The following SLCO6A1 variants were observed in gnomAD, a reference collection of about 807,000 sequenced individuals.
SLCO6A1 encodes solute carrier organic anion transporter family member 6A1, also known as cancer/testis antigen 48.
In SLCO6A1, 65 loss-of-function variants were observed where a neutral mutation model predicts 72.7. The observed-to-expected ratio is 0.89, with a 90% CI of 0.73 to 1.10. The LOEUF is 1.10. Among genes scored for constraint, SLCO6A1 ranks in the 50% least tolerant of loss-of-function variants. The pLI is 0.00. For missense variants in SLCO6A1, 874 were observed against 872.6 expected, an observed-to-expected ratio of 1.00 and a Z score of -0.02; for synonymous variants, 314 against 298.2, an observed-to-expected ratio of 1.05 and a Z score of -0.55.
chr5:102,439,048 AT>A (rs1749700261), intron 6 of SLCO6A1, among the ~76,000 whole-genome samples: 1 of 151,914 alleles, frequency 6.6e-6, no homozygotes, highest in Admixed American at 6.6e-5. Flanking sequence ...TGGGCTTGGA[AT>A]TTTTTTGTAA....
intron 9 of SLCO6A1, among the ~76,000 whole-genome samples, chr5:102,404,152 G>T (rs966530463): frequency 2.0e-5 from 3 of 152,098 alleles, no homozygotes; most frequent in Non-Finnish European, 4.4e-5. Flanking sequence ...CTGCATCTAA[G>T]AACATCAGCA....
chr5:102,468,479 A>C (rs766066071), intron 4 of SLCO6A1, among the ~76,000 whole-genome samples: 2 of 151,950 alleles, frequency 1.3e-5, no homozygotes, highest in African/African-American at 2.4e-5. Flanking sequence ...TTTCTTACAT[A>C]GAGTAGTAAT....
intron 6 of SLCO6A1, among the ~76,000 whole-genome samples, chr5:102,452,071 T>C (rs943442586): frequency 6.6e-6 from 1 of 152,228 alleles, no homozygotes; most frequent in African/African-American, 2.4e-5. Context: ...ATAGCAATAA[T>C]AGCTCACATT....
Position 102,382,209 on chromosome 5 carries a change from A to G in SLCO6A1, c.2017+6479T>C, listed in dbSNP as rs576104577. Among the ~76,000 whole-genome samples, 3 of 151,830 alleles carry G rather than the reference A, an allele frequency of 2.0e-5. No homozygotes were observed. In the East Asian group the frequency reaches 5.8e-4, roughly 29 times the overall value. On this transcript the variant is annotated intron_variant, in intron 12 of 13. Coordinates refer to ENST00000506729, the MANE Select transcript of SLCO6A1 (RefSeq NM_173488.5). ...TGAGTTCAATTTCATTATTCTGCATATGGCTATCCTGTTTTCTCTGTGCCA... is the reference window on the plus strand; with the variant it reads ...TGAGTTCAATTTCATTATTCTGCATGTGGCTATCCTGTTTTCTCTGTGCCA...
chr5:102,405,845 T>G (rs1747640896), intron 9 of SLCO6A1, among the ~76,000 whole-genome samples: 1 of 152,076 alleles, frequency 6.6e-6, no homozygotes, highest in Admixed American at 6.5e-5. Context: ...CAAATTTGAA[T>G]ATATGTATAG....
chr5:102,405,415 C>T (rs1747619285), intron 9 of SLCO6A1, among the ~76,000 whole-genome samples: 1 of 151,436 alleles, frequency 6.6e-6, no homozygotes, highest in Non-Finnish European at 1.5e-5. Flanking sequence ...AAAAGAAATA[C>T]TGAAAATAGC....
At chr5:102,448,771 C>A (rs1367665768) in intron 6 of SLCO6A1, among the ~76,000 whole-genome samples, 2 of 152,056 alleles carry the variant, frequency 1.3e-5, no homozygotes, top group African/African-American at 2.4e-5. Flanking sequence ...TCCTTGCATG[C>A]GAGATGGGTC....
intron 6 of SLCO6A1, among the ~76,000 whole-genome samples, chr5:102,446,683 T>C (rs993227359): frequency 1.3e-5 from 2 of 152,170 alleles, no homozygotes; most frequent in African/African-American, 4.8e-5. Flanking sequence ...CAGTATGATG[T>C]TGGTTATGGG....
chr5:102,453,434 A>T (rs2112733920), intron 6 of SLCO6A1, among the ~76,000 whole-genome samples: 1 of 152,260 alleles, frequency 6.6e-6, no homozygotes, highest in South Asian at 2.1e-4. Flanking sequence ...GTCTTTGTTT[A>T]CTACATCCAA....
chr5:102,456,418 C>A (rs1043162736), intron 6 of SLCO6A1, among the ~76,000 whole-genome samples: 3 of 152,146 alleles, frequency 2.0e-5, no homozygotes, highest in South Asian at 4.1e-4. Context: ...TCTCAGGATA[C>A]AAAATCAATG....
At chr5:102,415,633 C>G (rs1748241432) in intron 8 of SLCO6A1, among the ~76,000 whole-genome samples, 1 of 152,064 alleles carries the variant, frequency 6.6e-6, no homozygotes, top group African/African-American at 2.4e-5. Flanking sequence ...AAAATTCTTT[C>G]AGACATTGGT....
chr5:102,402,770 C>T (rs1747469841), intron 9 of SLCO6A1, among the ~76,000 whole-genome samples: 1 of 152,160 alleles, frequency 6.6e-6, no homozygotes, highest in South Asian at 2.1e-4. Flanking sequence ...TTAATGATCC[C>T]ACTTGTTAAT....
At chr5:102,476,945 C>T (rs950756336) in intron 3 of SLCO6A1, among the ~76,000 whole-genome samples, 2 of 151,924 alleles carry the variant, frequency 1.3e-5, no homozygotes, top group Non-Finnish European at 2.9e-5. Flanking sequence ...CAATATAAGA[C>T]AGTACAGGTT....
At chr5:102,467,318 T>C (rs1467050640) in intron 4 of SLCO6A1, among the ~76,000 whole-genome samples, 2 of 151,894 alleles carry the variant, frequency 1.3e-5, no homozygotes, top group East Asian at 3.9e-4. Flanking sequence ...ACTCCAGAGG[T>C]GGGAGGATCA....
intron 3 of SLCO6A1, among the ~76,000 whole-genome samples, chr5:102,476,300 C>G (rs1751897400): frequency 6.6e-6 from 1 of 152,044 alleles, no homozygotes; most frequent in Non-Finnish European, 1.5e-5. Flanking sequence ...TTGGCTCATA[C>G]AAAATACAAT....
intron 12 of SLCO6A1, among the ~76,000 whole-genome samples, chr5:102,384,744 T>C (rs1050818719): frequency 1.3e-5 from 2 of 152,118 alleles, no homozygotes; most frequent in Admixed American, 6.5e-5. Context: ...ATCATCACTA[T>C]TATAGTAATA....
intron 9 of SLCO6A1, among the ~76,000 whole-genome samples, chr5:102,409,561 C>T (rs192674164): frequency 1.3e-5 from 2 of 152,170 alleles, no homozygotes; most frequent in African/African-American, 4.8e-5. Context: ...CCATCCATAT[C>T]ACATTTTACT....
intron 10 of SLCO6A1, among the ~76,000 whole-genome samples, chr5:102,392,366 T>A (rs1746813727): frequency 1.3e-5 from 2 of 152,022 alleles, no homozygotes; most frequent in Non-Finnish European, 2.9e-5. Flanking sequence ...AATCACACTT[T>A]AGTGTAGTTT....
intron 3 of SLCO6A1, among the ~76,000 whole-genome samples, chr5:102,477,017 G>T (rs2112818353): frequency 6.6e-6 from 1 of 151,796 alleles, no homozygotes; most frequent in Admixed American, 6.6e-5. Context: ...TTGTAAATAG[G>T]GATAGTATGC....
Sources: allele counts gnomAD v4.1 joint callset (sites outside exome capture counted in the v4.1 genomes callset), GRCh38; gene constraint gnomAD v4.1.1; transcripts MANE v1.5; gene names NCBI Gene and HGNC (gene_info 2026-07-23, HGNC 2026-07-21).